SEZ6L: variants seen among roughly 807,000 people sequenced by gnomAD.
SEZ6L encodes the protein seizure 6-like protein.
In SEZ6L, 37 loss-of-function variants were observed where a neutral mutation model predicts 106.2. The observed-to-expected ratio is 0.35, with a 90% CI of 0.27 to 0.46. The LOEUF (loss-of-function observed/expected upper bound fraction) is 0.46, where lower values mean the gene tolerates loss of function less well. Among genes scored for constraint, SEZ6L ranks in the 20% least tolerant of loss-of-function variants. The pLI, the probability that SEZ6L is intolerant of heterozygous loss-of-function variation, is 1.00. For missense variants in SEZ6L, 1,172 were observed against 1,332.8 expected, an observed-to-expected ratio of 0.88 and a Z score of 1.88; for synonymous variants, 541 against 570.4, an observed-to-expected ratio of 0.95 and a Z score of 0.73.
At chr22:26,195,108 T>C (rs185812788) in intron 1 of SEZ6L, among the ~76,000 whole-genome samples, 3 of 152,344 alleles carry the variant, frequency 2.0e-5, no homozygotes, top group Admixed American at 1.3e-4. Flanking sequence ...TTTTGTCTGC[T>C]CTGCTCTGGT....
intron 1 of SEZ6L, among the ~76,000 whole-genome samples, chr22:26,225,073 G>T (rs979818820): frequency 2.0e-5 from 3 of 152,216 alleles, no homozygotes; most frequent in Admixed American, 6.5e-5. Context: ...ATCTGTGGTG[G>T]TCTGACACTA....
Position 26,294,299 on chromosome 22 carries a change from C to T in SEZ6L, c.843C>T (p.Cys281=). The T allele has an allele frequency of 6.2e-7, 1 of 1,614,060 alleles. No individual in the cohort carries two copies. Among genetic ancestry groups the T allele is most frequent in the Non-Finnish European group, 8.5e-7 (1 of 1,179,962 alleles). ...TAAAGTCCTTCCTTCCAGCTCTCTG[C>T]AGTGTGAGCTTCTCCAATCCTGAGG... is the stretch of plus-strand genomic sequence containing the variant. ...VITTEQAPAL[C]SVSFSNPEGY... Residue 281 remains cysteine, a synonymous_variant, in exon 3 of 17, where the codon TGC becomes TGT. Coordinates refer to ENST00000248933, the MANE Select transcript of SEZ6L (RefSeq NM_021115.5).
At chr22:26,344,083 T>C (rs2082932930) in intron 10 of SEZ6L, among the ~76,000 whole-genome samples, 1 of 152,202 alleles carries the variant, frequency 6.6e-6, no homozygotes, top group Non-Finnish European at 1.5e-5. Flanking sequence ...AGATAGTAGG[T>C]CAGGGGTTCC....
chr22:26,371,052 T>C (rs5761499), intron 13 of SEZ6L, among the ~76,000 whole-genome samples: 66,236 of 150,504 alleles, frequency 0.44, 17,061 homozygotes, highest in East Asian at 0.95. Context: ...CATGCTGTAT[T>C]CTGTGTTTTA....
intron 1 of SEZ6L, among the ~76,000 whole-genome samples, chr22:26,175,286 AATC>A (rs1264531096): frequency 6.6e-6 from 1 of 152,226 alleles, no homozygotes; most frequent in East Asian, 1.9e-4. Flanking sequence ...ACTAATTCAC[AATC>A]ATTATAGTTA....
At chr22:26,333,250 G>T (rs1210890091) in intron 9 of SEZ6L, among the ~76,000 whole-genome samples, 3 of 152,248 alleles carry the variant, frequency 2.0e-5, no homozygotes, top group African/African-American at 4.8e-5. Flanking sequence ...CAAGCCAGCG[G>T]GTTGGCTTTG....
At chr22:26,287,865 A>T (rs2080987321) in intron 1 of SEZ6L, among the ~76,000 whole-genome samples, 1 of 152,190 alleles carries the variant, frequency 6.6e-6, no homozygotes, top group Non-Finnish European at 1.5e-5. Flanking sequence ...GGAAAAGGGG[A>T]TAGTAGGGAC....
intron 1 of SEZ6L, among the ~76,000 whole-genome samples, chr22:26,278,726 A>G (rs980652294): frequency 6.6e-6 from 1 of 151,960 alleles, no homozygotes; most frequent in Non-Finnish European, 1.5e-5. Flanking sequence ...TTCCATCATT[A>G]AAAGGAATGA....
intron 13 of SEZ6L, among the ~76,000 whole-genome samples, chr22:26,368,573 G>A (rs1372440481): frequency 6.6e-6 from 1 of 152,184 alleles, no homozygotes; most frequent in African/African-American, 2.4e-5. Flanking sequence ...AGAAAGCAGA[G>A]TCGTGGTTGT....
chr22:26,314,071 TACACAC>T (rs55746736), intron 9 of SEZ6L, among the ~76,000 whole-genome samples, 169 bp downstream of exon 9: 14 of 145,710 alleles, frequency 9.6e-5, no homozygotes, highest in Admixed American at 2.0e-4. Context: ...GCATCACAAA[TACACAC>T]ACACACACAC....
At chr22:26,337,138 A>G (rs1399484544) in intron 9 of SEZ6L, among the ~76,000 whole-genome samples, 1 of 152,196 alleles carries the variant, frequency 6.6e-6, no homozygotes, top group African/African-American at 2.4e-5. Context: ...AGGCTGATTC[A>G]CAGACAAGAA....
intron 1 of SEZ6L, among the ~76,000 whole-genome samples, chr22:26,267,573 T>C (rs1010929769): frequency 6.6e-6 from 1 of 152,152 alleles, no homozygotes; most frequent in Non-Finnish European, 1.5e-5. Flanking sequence ...AGCAAATTAT[T>C]TGGGAAACAT....
intron 12 of SEZ6L, among the ~76,000 whole-genome samples, chr22:26,355,483 T>C (rs544480305): frequency 6.6e-6 from 1 of 152,098 alleles, no homozygotes; most frequent in Non-Finnish European, 1.5e-5. Flanking sequence ...ATCCCAACAC[T>C]TGTGGGAGGC....
intron 14 of SEZ6L, 63 bp downstream of exon 14, chr22:26,373,546 C>A: frequency 7.8e-7 from 1 of 1,287,998 alleles, no homozygotes; most frequent in South Asian, 1.3e-5. Flanking sequence ...AAAACAAGGG[C>A]AGGTCTTTGA....
rs7284717 is a variant in SEZ6L at position 26,382,543 on chromosome 22, T to C, written c.*2248T>C. ...TTTTGTTTTTTTGTTGTTGTTGTCA[T>C]TGTTGTTTTTTTCAGAAGACCAGTG... On this transcript the variant is annotated 3_prime_UTR_variant, in exon 17 of 17. Transcript: ENST00000248933. 12,350 of 152,794 alleles carry C rather than the reference T, an allele frequency of 0.081. 1,198 individuals carry two copies. The highest frequency in any genetic ancestry group is 0.23 in the African/African-American group (9,648 of 41,490). The allele number at this position is 152,794 out of a possible 1,614,324, so 9.5% of individuals were successfully genotyped here.
chr22:26,183,846 C>T (rs1042451871), intron 1 of SEZ6L, among the ~76,000 whole-genome samples: 1 of 152,124 alleles, frequency 6.6e-6, no homozygotes, highest in African/African-American at 2.4e-5. Flanking sequence ...TGAGGTTTGG[C>T]CAGAAACAAA....
At chr22:26,176,546 A>G (rs1304121127) in intron 1 of SEZ6L, among the ~76,000 whole-genome samples, 1 of 152,168 alleles carries the variant, frequency 6.6e-6, no homozygotes, top group African/African-American at 2.4e-5. Flanking sequence ...CTGTCATCCT[A>G]GAGGAGCGCA....
chr22:26,325,324 A>T (rs1337804618), intron 9 of SEZ6L, among the ~76,000 whole-genome samples: 1 of 152,198 alleles, frequency 6.6e-6, no homozygotes, highest in Admixed American at 6.5e-5. Context: ...TGGAGATTAG[A>T]ACTCAGGTCT....
intron 9 of SEZ6L, among the ~76,000 whole-genome samples, chr22:26,324,923 C>T (rs988074890): frequency 3.9e-5 from 6 of 152,186 alleles, no homozygotes; most frequent in Non-Finnish European, 8.8e-5. Flanking sequence ...GTCTAGAGAT[C>T]AGCGTTGTGC....
Sources: gnomAD v4.1 joint callset for allele counts (sites outside exome capture counted in the v4.1 genomes callset) on GRCh38, gnomAD v4.1.1 for gene constraint, MANE v1.5 for transcripts, NCBI Gene and HGNC (gene_info 2026-07-23, HGNC 2026-07-21) for gene names.